Variants in MGAT5 observed in about 807,000 individuals in gnomAD.
MGAT5 encodes alpha-1,6-mannosylglycoprotein 6-beta-N-acetylglucosaminyltransferase, also known as alpha-1,6-mannosylglycoprotein 6-beta-N-acetylglucosaminyltransferase A.
A neutral mutation model predicts 94.3 loss-of-function variants in MGAT5; 30 were observed. The ratio of observed to expected loss-of-function variants is 0.32; its 90% CI spans 0.24 to 0.43. The LOEUF (loss-of-function observed/expected upper bound fraction) is 0.43, where lower values mean the gene tolerates loss of function less well. Among genes scored for constraint, MGAT5 ranks in the 20% least tolerant of loss-of-function variants. MGAT5 has a pLI of 1.00. For missense variants in MGAT5, 691 were observed against 905.5 expected (o/e 0.76, Z 3.04); for synonymous variants, 310 against 322.9 (o/e 0.96, Z 0.43).
intron 10 of MGAT5, among the ~76,000 whole-genome samples, chr2:134,371,522 A>G (rs1369469444): frequency 1.3e-5 from 2 of 152,146 alleles, no homozygotes; most frequent in Non-Finnish European, 2.9e-5. Context: ...TTTACAGTTG[A>G]CAGCCCAGCC....
At chr2:134,419,006 A>G (rs1211217851) in intron 12 of MGAT5, among the ~76,000 whole-genome samples, 1 of 152,240 alleles carries the variant, frequency 6.6e-6, no homozygotes, top group African/African-American at 2.4e-5. Flanking sequence ...CAACAGGTTC[A>G]TTTCTAAGAA....
At chr2:134,207,214 G>A (rs891128390) in intron 1 of MGAT5, among the ~76,000 whole-genome samples, 6 of 152,092 alleles carry the variant, frequency 3.9e-5, no homozygotes, top group African/African-American at 9.7e-5. Flanking sequence ...ATTTAAGGAC[G>A]CTGTGATTGC....
chr2:134,130,486 G>T (rs1686099354), intron 1 of MGAT5, among the ~76,000 whole-genome samples: 2 of 152,266 alleles, frequency 1.3e-5, no homozygotes, highest in South Asian at 4.1e-4. Context: ...GTCAAGTGAG[G>T]ACTTGGAGAA....
At position 134,303,357 on chromosome 2, in the gene MGAT5, G is replaced by A. The variant is rs535247540; in HGVS notation, c.407-14172G>A. Among the ~76,000 whole-genome samples the A allele has an allele frequency of 3.9e-5, 6 of 152,152 alleles. No homozygotes were observed. The East Asian group carries it at 9.6e-4, about 24-fold the overall frequency. On this transcript the variant is annotated intron_variant, in intron 2 of 15. Transcript: ENST00000281923. Reference sequence around the variant, plus strand: ...TTTAATAATTCTTTATTATGTATTGGACATGACAAGGATATGCTATAGAGT... The same window carrying A: ...TTTAATAATTCTTTATTATGTATTGAACATGACAAGGATATGCTATAGAGT...
At position 134,234,940 on chromosome 2, in the gene MGAT5, G is replaced by A. The variant is rs1573578989; in HGVS notation, c.-142-19322G>A. Among the ~76,000 whole-genome samples the A allele has an allele frequency of 3.9e-5, 6 of 152,286 alleles. No individual in the cohort carries two copies. The South Asian group carries it at 1.2e-3, about 32-fold the overall frequency. ...GACTCCCCAGCTTCAAGTGCTTAGG[G>A]TGGTGGTTGTAAGGAAGGTTGCAGA... On this transcript the variant is annotated intron_variant, in intron 1 of 16. Transcript: ENST00000409645.
intron 2 of MGAT5, among the ~76,000 whole-genome samples, chr2:134,291,199 C>A (rs1046660018): frequency 6.6e-6 from 1 of 152,136 alleles, no homozygotes; most frequent in South Asian, 2.1e-4. Flanking sequence ...GAGATCCTAA[C>A]CCCCAAGGCG....
At chr2:134,419,867 A>G (rs944664701) in intron 12 of MGAT5, among the ~76,000 whole-genome samples, 1 of 152,222 alleles carries the variant, frequency 6.6e-6, no homozygotes, top group African/African-American at 2.4e-5. Context: ...AAATAGTGAC[A>G]TTGATGGCAA....
chr2:134,346,095 T>A (rs975981411), intron 8 of MGAT5, among the ~76,000 whole-genome samples: 1 of 152,186 alleles, frequency 6.6e-6, no homozygotes, highest in Admixed American at 6.5e-5. Flanking sequence ...GGTTTTTGGC[T>A]TGTTTCTTGA....
At chr2:134,266,160 CAAAAA>C (rs371430614) in intron 1 of MGAT5, among the ~76,000 whole-genome samples, 1 of 112,596 alleles carries the variant, frequency 8.9e-6, no homozygotes, top group Admixed American at 9.5e-5. Context: ...GACTCCATCT[CAAAAA>C]AAAAAAAAAA....
chr2:134,362,215 A>G lies in MGAT5; in HGVS notation c.1247-60A>G. The stretch of plus-strand genomic sequence containing the variant: ...TAAGATGGCCTGTGTTAAATATGTG[A>G]TTGTTATTTCTTCTTGCTGATTGGA... On this transcript the variant is annotated intron_variant, in intron 9 of 15. Transcript: ENST00000281923. The G allele has an allele frequency of 2.5e-6, 4 of 1,577,040 alleles. No individual in the cohort carries two copies. In the South Asian group the frequency reaches 4.7e-5, roughly 19 times the overall value.
intron 1 of MGAT5, among the ~76,000 whole-genome samples, chr2:134,260,639 G>A (rs1683265791): frequency 6.6e-6 from 1 of 150,930 alleles, no homozygotes; most frequent in South Asian, 2.1e-4. Flanking sequence ...TTTTTTTTGT[G>A]TCTCTCTTCC....
At chr2:134,376,375 C>T (rs930466698) in intron 10 of MGAT5, among the ~76,000 whole-genome samples, 6 of 152,042 alleles carry the variant, frequency 3.9e-5, no homozygotes, top group African/African-American at 1.5e-4. Context: ...AAATGGATAT[C>T]ATTTACTGGA....
chr2:134,122,801 C>G (rs1428348005), intron 1 of MGAT5, among the ~76,000 whole-genome samples: 2 of 152,240 alleles, frequency 1.3e-5, no homozygotes, highest in African/African-American at 4.8e-5. Flanking sequence ...TGCACCTGCA[C>G]AAGCAGCCAC....
At chr2:134,385,995 A>G (rs1439665862) in intron 10 of MGAT5, among the ~76,000 whole-genome samples, 1 of 152,242 alleles carries the variant, frequency 6.6e-6, no homozygotes, top group Admixed American at 6.5e-5. Context: ...AGATGGTGAG[A>G]TAAGATGTAA....
intron 1 of MGAT5, among the ~76,000 whole-genome samples, chr2:134,172,631 C>T (rs1417789543): frequency 1.3e-5 from 2 of 152,150 alleles, no homozygotes; most frequent in African/African-American, 4.8e-5. Context: ...CGTGATTCTC[C>T]CGCCTCGACC....
At chr2:134,369,727 T>TGTGTGTGTGTG (rs5834411) in intron 10 of MGAT5, among the ~76,000 whole-genome samples, 2 of 142,196 alleles carry the variant, frequency 1.4e-5, no homozygotes, top group Non-Finnish European at 3.0e-5. Context: ...GGTTTTTACA[T>TGTGTGTGTGTG]TGTGTGTGTG....
intron 4 of MGAT5, 94 bp from the exon 5 acceptor site, chr2:134,336,123 C>T (rs1323905196): frequency 2.2e-6 from 2 of 928,766 alleles, no homozygotes; most frequent in African/African-American, 1.7e-5. Flanking sequence ...TAATATAGTG[C>T]TAGTTGTGTG....
At chr2:134,383,621 G>A (rs528177638) in intron 10 of MGAT5, among the ~76,000 whole-genome samples, 8 of 152,102 alleles carry the variant, frequency 5.3e-5, no homozygotes, top group Non-Finnish European at 1.0e-4. Context: ...AATAATACAG[G>A]GATTAATCTC....
At chr2:134,333,020 A>G (rs2105963633) in intron 4 of MGAT5, among the ~76,000 whole-genome samples, 1 of 152,326 alleles carries the variant, frequency 6.6e-6, no homozygotes, top group African/African-American at 2.4e-5. Context: ...TGTGGAAGTC[A>G]GTGTGGCGAT....
Sources: allele counts gnomAD v4.1 joint callset (sites outside exome capture counted in the v4.1 genomes callset), GRCh38; gene constraint gnomAD v4.1.1; transcripts MANE v1.5; gene names NCBI Gene and HGNC (gene_info 2026-07-23, HGNC 2026-07-21).